Variants in RABGAP1 observed in about 807,000 individuals in gnomAD.
RABGAP1 encodes rab GTPase-activating protein 1.
In RABGAP1, 23 loss-of-function variants were observed where a neutral mutation model predicts 137.6. The ratio of observed to expected loss-of-function variants is 0.17; its 90% CI spans 0.12 to 0.24. The LOEUF (loss-of-function observed/expected upper bound fraction) is 0.24. Ranked by LOEUF, RABGAP1 falls within the 10% of genes least tolerant of loss-of-function variation. The pLI is 1.00. For synonymous variants in RABGAP1, 451 were observed against 450.7 expected (o/e 1.00, Z -0.01); for missense variants, 906 against 1,275.8 (o/e 0.71, Z 4.42).
At chr9:123,019,366 C>CA (rs1388141135) in intron 12 of RABGAP1, among the ~76,000 whole-genome samples, 1 of 152,120 alleles carries the variant, frequency 6.6e-6, no homozygotes, top group Admixed American at 6.5e-5. Context: ...GTCTCTGTCA[C>CA]CCAGGCTGGA....
chr9:122,958,549 G>T (rs1564359520), intron 2 of RABGAP1, among the ~76,000 whole-genome samples: 1 of 152,014 alleles, frequency 6.6e-6, no homozygotes, highest in African/African-American at 2.4e-5. Context: ...TCGTGGGGTG[G>T]GGGGAGCAGG....
At chr9:123,079,242 T>G (rs1564181710) in intron 19 of RABGAP1, among the ~76,000 whole-genome samples, 2 of 135,054 alleles carry the variant, frequency 1.5e-5, no homozygotes, top group African/African-American at 5.6e-5. Context: ...TTGTTTTGTT[T>G]TTTTTTTTTT....
chr9:122,998,613 G>A lies in RABGAP1; in HGVS notation c.1221G>A (p.Met407Ile), dbSNP rs769879519. The A allele has an allele frequency of 2.5e-6, 4 of 1,599,702 alleles. No individual in the cohort carries two copies. In the South Asian group the frequency reaches 4.5e-5, roughly 18 times the overall value. Residue 407 changes from methionine to isoleucine, a missense_variant, in exon 10 of 26, where the codon ATG becomes ATA. Coordinates refer to ENST00000373647, the MANE Select transcript of RABGAP1 (RefSeq NM_012197.4). ...TTTGTTTAGATAAAGTCCTGTTTATGACCACAGCTGTAGATTTGGTAATAA... is the reference window on the plus strand; with the variant it reads ...TTTGTTTAGATAAAGTCCTGTTTATAACCACAGCTGTAGATTTGGTAATAA... Reference protein sequence around the residue: ...EETPKDKVLFMTTAVDLVITE... With the variant: ...EETPKDKVLFITTAVDLVITE...
At chr9:123,076,428 G>A in intron 18 of RABGAP1, 142 bp downstream of exon 18, 5 of 1,157,642 alleles carry the variant, frequency 4.3e-6, no homozygotes, top group Non-Finnish European at 6.0e-6. Context: ...TCTGACAAAA[G>A]CGAAGAAATA....
intron 13 of RABGAP1, among the ~76,000 whole-genome samples, chr9:123,052,198 G>T (rs113211419): frequency 2.0e-5 from 3 of 152,114 alleles, no homozygotes; most frequent in African/African-American, 7.2e-5. Context: ...TGTTCATTTG[G>T]ATTAAGAAGG....
At position 123,065,331 on chromosome 9, in the gene RABGAP1, T is replaced by C. The variant is rs1391481785; in HGVS notation, c.1795-17T>C. 4.5e-6 allele frequency: 7 copies of C among 1,547,876 alleles called. No individual in the cohort carries two copies. Among genetic ancestry groups the C allele is most frequent in the Admixed American group, 1.7e-5 (1 of 57,902 alleles). On this transcript the variant is annotated splice_polypyrimidine_tract_variant and intron_variant, in intron 13 of 25. Transcript: ENST00000373647. ...GATTAACCTAACTAAACCCTCTCTT[T>C]CCTTATGTTTCCACAGGAGTCTCCC... is the stretch of plus-strand genomic sequence containing the variant.
At chr9:123,036,263 A>G (rs2032654224) in intron 13 of RABGAP1, among the ~76,000 whole-genome samples, 1 of 152,260 alleles carries the variant, frequency 6.6e-6, no homozygotes, top group Non-Finnish European at 1.5e-5. Context: ...CAAAAGTGCA[A>G]TCAAATTATA....
intron 10 of RABGAP1, among the ~76,000 whole-genome samples, 190 bp downstream of exon 10, chr9:122,998,956 C>T (rs948505976): frequency 4.6e-5 from 7 of 152,116 alleles, no homozygotes; most frequent in African/African-American, 1.4e-4. Flanking sequence ...CCCAAAGATC[C>T]ACATTTCCAT....
Position 123,104,251 on chromosome 9 carries a change from G to T in RABGAP1, c.*1038G>T, listed in dbSNP as rs1427136152. The T allele has an allele frequency of 6.6e-6, 1 of 152,516 alleles. No homozygotes were observed. The highest frequency in any genetic ancestry group is 1.5e-5 in the Non-Finnish European group (1 of 68,036). 9.4% of individuals were successfully genotyped at this position (152,516 alleles called of 1,614,324 possible). A position where few individuals can be genotyped will look rare whatever the true frequency, so the allele number is the denominator to read the frequency against. ...AAGACTGAGTTGCGTGTCTGTAAAT[G>T]TCTGCGCAGGGTGCACATGCTGCGA... On this transcript the variant is annotated 3_prime_UTR_variant, in exon 26 of 26. Coordinates refer to ENST00000373647, the MANE Select transcript of RABGAP1 (RefSeq NM_012197.4).
chr9:123,036,816 C>CTT (rs35388646), intron 13 of RABGAP1, among the ~76,000 whole-genome samples: 38 of 142,208 alleles, frequency 2.7e-4, no homozygotes, highest in Non-Finnish European at 5.4e-4. Context: ...TCTTAATGGT[C>CTT]TTTTTTTTTT....
chr9:123,050,001 A>G (rs753980984), intron 13 of RABGAP1, among the ~76,000 whole-genome samples: 2 of 152,254 alleles, frequency 1.3e-5, no homozygotes, highest in Non-Finnish European at 2.9e-5. Flanking sequence ...ACCCAGAGAC[A>G]GAACAGCCTG....
intron 2 of RABGAP1, among the ~76,000 whole-genome samples, chr9:122,968,297 A>C: frequency 7.2e-6 from 1 of 138,968 alleles, no homozygotes. Flanking sequence ...ATCTCAGCTC[A>C]CTGCAACCTC....
chr9:123,070,311 A>G lies in RABGAP1; in HGVS notation c.1909-39A>G, dbSNP rs538023447. 2 of 1,613,040 alleles carry G rather than the reference A, an allele frequency of 1.2e-6. No individual in the cohort carries two copies. The highest frequency in any genetic ancestry group is 2.2e-5 in the East Asian group (1 of 44,862). On this transcript the variant is annotated intron_variant, in intron 14 of 25. Transcript: ENST00000373647. This position sits in a 1 kb window ranked among gnomAD's most constrained non-coding sequence, Gnocchi z 4.4. ...GTGCCACCATGGCCCACAAGTGGCT[A>G]CATTCATTTACATTTCCTCTGTGTG...
At chr9:122,945,503 C>G (rs1365094788) in intron 1 of RABGAP1, 1 of 152,058 alleles carries the variant, frequency 6.6e-6, no homozygotes, top group Non-Finnish European at 1.5e-5. Flanking sequence ...TTTCTGATCA[C>G]TATACAGTGA....
At chr9:123,043,092 A>G (rs644712) in intron 13 of RABGAP1, among the ~76,000 whole-genome samples, 94,929 of 152,070 alleles carry the variant, frequency 0.62, 36,799 homozygotes, top group Non-Finnish European at 0.86. Flanking sequence ...GTGTGAGGGT[A>G]AACTAAACTC....
At chr9:122,980,506 G>A (rs1011954974) in intron 2 of RABGAP1, among the ~76,000 whole-genome samples, 1 of 152,194 alleles carries the variant, frequency 6.6e-6, no homozygotes, top group Non-Finnish European at 1.5e-5. Context: ...GAGAGAAAGG[G>A]GGTGACACCA....
intron 2 of RABGAP1, among the ~76,000 whole-genome samples, chr9:122,970,522 A>G (rs137874631): frequency 1.3e-5 from 2 of 152,310 alleles, no homozygotes; most frequent in East Asian, 3.9e-4. Flanking sequence ...TGTATATTAC[A>G]TGATTCTGAG....
chr9:123,013,988 A>C (rs1222100061), intron 11 of RABGAP1, among the ~76,000 whole-genome samples: 2 of 152,242 alleles, frequency 1.3e-5, no homozygotes, highest in Non-Finnish European at 2.9e-5. Context: ...AAATTGGTAG[A>C]ACATTTTGGA....
intron 13 of RABGAP1, among the ~76,000 whole-genome samples, chr9:123,032,899 T>C (rs1201249838): frequency 6.6e-6 from 1 of 152,192 alleles, no homozygotes; most frequent in East Asian, 1.9e-4. Context: ...TCCTGTAATA[T>C]CCATGCCTGA....
Sources: allele counts gnomAD v4.1 joint callset (sites outside exome capture counted in the v4.1 genomes callset), GRCh38; gene constraint gnomAD v4.1.1; non-coding constraint Gnocchi (gnomAD v3.1); transcripts MANE v1.5; gene names NCBI Gene and HGNC (gene_info 2026-07-23, HGNC 2026-07-21).